The following PI4KB variants were observed in gnomAD, a reference collection of about 807,000 sequenced individuals.
The protein encoded by PI4KB is phosphatidylinositol 4-kinase beta.
A neutral mutation model predicts 81.4 loss-of-function variants in PI4KB; 23 were observed. That is an observed-to-expected ratio of 0.28 (90% CI 0.20 to 0.40). The LOEUF (loss-of-function observed/expected upper bound fraction) is 0.40. Among genes scored for constraint, PI4KB ranks in the 10% least tolerant of loss-of-function variants. The pLI is 1.00. For synonymous variants in PI4KB, 381 were observed against 406.8 expected, an observed-to-expected ratio of 0.94 and a Z score of 0.76; for missense variants, 651 against 1,036.6, an observed-to-expected ratio of 0.63 and a Z score of 5.11.
At chr1:151,293,962 C>G (rs1364384148) in intron 11 of PI4KB, 56 bp downstream of exon 11, 1 of 1,607,586 alleles carries the variant, frequency 6.2e-7, no homozygotes, top group East Asian at 2.2e-5. Context: ...CTCCAGGGCT[C>G]CGACTTAAAG....
chr1:151,323,451 G>T (rs1486711967), intron 1 of PI4KB, among the ~76,000 whole-genome samples: 2 of 144,728 alleles, frequency 1.4e-5, no homozygotes, highest in African/African-American at 2.6e-5. Context: ...AGGTTGCCGT[G>T]AGCTGAGATC....
In PI4KB at chr1:151,310,273, G is replaced by T; in HGVS notation, c.910-18C>A. ...GAGAGCTCCTGGGAAAGGGCCAGAG[G>T]GCAAAGGGAGAAGGAGGGGGTGGGA... is the stretch of plus-strand genomic sequence containing the variant. On this transcript the variant is annotated intron_variant, in intron 2 of 11. Coordinates refer to ENST00000368873, the MANE Select transcript of PI4KB (RefSeq NM_001369623.2). 6.4e-7 allele frequency: 1 copy of T among 1,561,016 alleles called. No individual in the cohort carries two copies. Among genetic ancestry groups the T allele is most frequent in the Non-Finnish European group, 8.8e-7 (1 of 1,140,254 alleles).
At chr1:151,306,531 A>G in intron 4 of PI4KB, 168 bp from the exon 5 acceptor site, 1 of 602,828 alleles carries the variant, frequency 1.7e-6, no homozygotes, top group East Asian at 2.8e-5. Context: ...TTGTCCTATG[A>G]TCACCTATGT....
chr1:151,317,206 C>T (rs1015115861), intron 1 of PI4KB, among the ~76,000 whole-genome samples: 4 of 146,922 alleles, frequency 2.7e-5, no homozygotes, highest in African/African-American at 1.0e-4. Flanking sequence ...GTTGAACAAT[C>T]TGGGCTCATT....
intron 11 of PI4KB, 38 bp from the exon 12 acceptor site, chr1:151,293,071 C>T (rs759366396): frequency 2.0e-5 from 32 of 1,605,560 alleles, no homozygotes; most frequent in South Asian, 1.3e-4. Context: ...CATGGATGGA[C>T]GGGAGGGGCA....
chr1:151,302,192 A>G lies in PI4KB; in HGVS notation c.1625+2T>C. On this transcript the variant is annotated splice_donor_variant, in intron 7 of 11. Transcript: ENST00000368873. LOFTEE classifies it high-confidence loss of function. Reference sequence around the variant, plus strand: ...GGGTTCAGAGACCCACACCCAACTCACCGTACTTTCTCCTGCCAGGGCTCT... The same window carrying G: ...GGGTTCAGAGACCCACACCCAACTCGCCGTACTTTCTCCTGCCAGGGCTCT... 6.2e-7 allele frequency: 1 copy of G among 1,609,500 alleles called. No individual in the cohort carries two copies.
intron 5 of PI4KB, among the ~76,000 whole-genome samples, chr1:151,304,830 T>C (rs1242702115): frequency 7.1e-6 from 1 of 140,358 alleles, no homozygotes; most frequent in Non-Finnish European, 1.6e-5. Flanking sequence ...CACACCTGGC[T>C]TTTTTTTTTT....
chr1:151,308,692 G>GA (rs1449065779), intron 3 of PI4KB, among the ~76,000 whole-genome samples: 1 of 152,112 alleles, frequency 6.6e-6, no homozygotes, highest in Non-Finnish European at 1.5e-5. Flanking sequence ...TGCAGGTGGG[G>GA]AAAAAGAGGG....
chr1:151,323,289 G>A (rs1649109572), intron 1 of PI4KB, among the ~76,000 whole-genome samples: 1 of 152,176 alleles, frequency 6.6e-6, no homozygotes, highest in African/African-American at 2.4e-5. Flanking sequence ...TGGATCACCT[G>A]AGGTCAGCAC....
intron 11 of PI4KB, chr1:151,293,494 G>A (rs1694500675): frequency 3.7e-6 from 4 of 1,095,136 alleles, no homozygotes; most frequent in East Asian, 1.5e-4. Context: ...GGGGAGGAGG[G>A]GGAGACTGGC....
At position 151,292,556 on chromosome 1, in the gene PI4KB, T is replaced by C; in HGVS notation, c.*296A>G. On this transcript the variant is annotated 3_prime_UTR_variant, in exon 12 of 12. Coordinates refer to ENST00000368873, the MANE Select transcript of PI4KB (RefSeq NM_001369623.2). ...AGGAGAAGAAAGGCCCCAGTGTCCCTCACATTTGTCACCTCTGTTTTCTGG... is the reference window on the plus strand; with the variant it reads ...AGGAGAAGAAAGGCCCCAGTGTCCCCCACATTTGTCACCTCTGTTTTCTGG... 2.8e-6 allele frequency: 1 copy of C among 359,722 alleles called. No individual in the cohort carries two copies. The highest frequency in any genetic ancestry group is 5.1e-6 in the Non-Finnish European group (1 of 195,920). The allele number at this position is 359,722 out of a possible 1,614,324, so 22.3% of individuals were successfully genotyped here. A position where few individuals can be genotyped will look rare whatever the true frequency, so the allele number is the denominator to read the frequency against.
At chr1:151,325,756 A>T (rs1649516491) in intron 1 of PI4KB, among the ~76,000 whole-genome samples, 1 of 152,214 alleles carries the variant, frequency 6.6e-6, no homozygotes, top group South Asian at 2.1e-4. Context: ...CTAAACCACT[A>T]CTAATAAATA....
intron 1 of PI4KB, among the ~76,000 whole-genome samples, chr1:151,318,115 C>A (rs548873057): frequency 4.6e-5 from 7 of 152,240 alleles, no homozygotes; most frequent in African/African-American, 1.7e-4. Context: ...GCCCAGCCAT[C>A]TTTATTTAAT....
intron 6 of PI4KB, among the ~76,000 whole-genome samples, chr1:151,302,597 G>A (rs1328515778): frequency 7.4e-6 from 1 of 135,922 alleles, no homozygotes; most frequent in African/African-American, 2.7e-5. Context: ...TTTTTTTTGA[G>A]ATAAGAATCT....
intron 5 of PI4KB, among the ~76,000 whole-genome samples, chr1:151,304,196 AT>A (rs1695537530): frequency 6.6e-6 from 1 of 152,042 alleles, no homozygotes. Context: ...ATACCAGAGC[AT>A]TTCTTCTCAA....
intron 2 of PI4KB, among the ~76,000 whole-genome samples, chr1:151,313,414 G>C (rs587663024): frequency 6.6e-6 from 1 of 152,294 alleles, no homozygotes; most frequent in East Asian, 1.9e-4. Flanking sequence ...GGAGTTAGAT[G>C]TAAGGAAAGA....
chr1:151,293,199 G>A, intron 11 of PI4KB, 166 bp from the exon 12 acceptor site: 1 of 985,336 alleles, frequency 1.0e-6, no homozygotes, highest in Non-Finnish European at 1.2e-6. Context: ...GAACCGGCAG[G>A]AACCCCTCAT....
chr1:151,327,487 C>G, upstream of PI4KB: 2 of 396,746 alleles, frequency 5.0e-6, no homozygotes, highest in Non-Finnish European at 8.9e-6. Context: ...CACACAACCT[C>G]TTCTTCCTCC....
rs1272230050 is a variant in PI4KB at position 151,302,153 on chromosome 1, C to T, written c.1625+41G>A. On this transcript the variant is annotated intron_variant, in intron 7 of 11. Coordinates refer to ENST00000368873, the MANE Select transcript of PI4KB (RefSeq NM_001369623.2). ...GTGCAGTGAGCACTTACAACTGCCT[C>T]TGAGCTTTGAGAGGGGTTCAGAGAC... 3 of 1,562,752 alleles carry T rather than the reference C, an allele frequency of 1.9e-6. No individual in the cohort carries two copies. In the East Asian group the frequency reaches 6.7e-5, roughly 35 times the overall value.
Sources: allele counts gnomAD v4.1 joint callset (sites outside exome capture counted in the v4.1 genomes callset), GRCh38; gene constraint gnomAD v4.1.1; transcripts MANE v1.5; gene names NCBI Gene and HGNC (gene_info 2026-07-23, HGNC 2026-07-21).